DOCK9: variants seen among roughly 807,000 people sequenced by gnomAD.
The protein encoded by DOCK9 is dedicator of cytokinesis 9.
Under a neutral mutation model 263.3 loss-of-function variants are expected in DOCK9, and 89 were observed. The observed-to-expected ratio is 0.34, with a 90% CI of 0.28 to 0.40. DOCK9 has a LOEUF of 0.40. Ranked by LOEUF, DOCK9 falls within the 10% of genes least tolerant of loss-of-function variation. DOCK9 has a pLI of 1.00. For missense variants in DOCK9, 2,140 were observed against 2,603.4 expected, an observed-to-expected ratio of 0.82 and a Z score of 3.87; for synonymous variants, 976 against 973.1, an observed-to-expected ratio of 1.00 and a Z score of -0.06.
chr13:99,011,271 A>G (rs1884431118), intron 1 of DOCK9, among the ~76,000 whole-genome samples: 1 of 152,216 alleles, frequency 6.6e-6, no homozygotes, highest in South Asian at 2.1e-4. Context: ...ATAAAATTTA[A>G]AAGTATTTTA....
intron 1 of DOCK9, among the ~76,000 whole-genome samples, chr13:99,064,297 T>C (rs1193785728): frequency 1.3e-5 from 2 of 152,202 alleles, no homozygotes; most frequent in Non-Finnish European, 2.9e-5. Context: ...GACTTATCAT[T>C]ATAACTGTTG....
chr13:98,925,811 C>A, intron 4 of DOCK9, 26 bp downstream of exon 4: 1 of 1,480,110 alleles, frequency 6.8e-7, no homozygotes, highest in South Asian at 1.3e-5. Flanking sequence ...AGACTTTTCC[C>A]TATGTGTATA....
At chr13:98,806,735 C>T (rs1221497388) in intron 48 of DOCK9, among the ~76,000 whole-genome samples, 1 of 151,946 alleles carries the variant, frequency 6.6e-6, no homozygotes, top group Non-Finnish European at 1.5e-5. Flanking sequence ...ATGGTGAAAC[C>T]CTGTCTCTAC....
intron 7 of DOCK9, among the ~76,000 whole-genome samples, chr13:98,916,010 TC>T (rs1379907484): frequency 6.6e-6 from 1 of 152,218 alleles, no homozygotes; most frequent in Non-Finnish European, 1.5e-5. Flanking sequence ...TCTGGAACTT[TC>T]CCATCCTTTA....
In DOCK9 at chr13:98,884,029, C is replaced by T. The variant is rs1314978849; in HGVS notation, c.2383-130G>A. On this transcript the variant is annotated intron_variant, in intron 21 of 52. Coordinates refer to ENST00000682017, the MANE Select transcript of DOCK9 (RefSeq NM_001366683.2). Reference sequence around the variant, plus strand: ...AACTTTAGTGACTTGGCGACTGTGCCGGGCCCATGGCAGGAATGCAGCTGA... The same window carrying T: ...AACTTTAGTGACTTGGCGACTGTGCTGGGCCCATGGCAGGAATGCAGCTGA... 41 of 621,650 alleles carry T rather than the reference C, an allele frequency of 6.6e-5. No homozygotes were observed. The Admixed American group carries it at 6.7e-4, about 10-fold the overall frequency. The allele number at this position is 621,650 out of a possible 1,614,324, so 38.5% of individuals were successfully genotyped here. A position where few individuals can be genotyped will look rare whatever the true frequency, so the allele number is the denominator to read the frequency against.
chr13:98,931,878 G>A (rs1342324134), intron 2 of DOCK9, among the ~76,000 whole-genome samples: 1 of 150,030 alleles, frequency 6.7e-6, no homozygotes, highest in Non-Finnish European at 1.5e-5. Flanking sequence ...GATTACAGGT[G>A]TGAGCCACCA....
At chr13:98,809,557 T>G in intron 46 of DOCK9, 92 bp from the exon 47 acceptor site, 1 of 1,026,688 alleles carries the variant, frequency 9.7e-7, no homozygotes, top group Non-Finnish European at 1.4e-6. Context: ...TGAAAAGTCC[T>G]TGAACTTGAA....
rs71114563 is a variant in DOCK9, at chr13:98,951,903, CT to C, written c.243+3531del. Among the ~76,000 whole-genome samples the C allele has an allele frequency of 3.5e-4, 47 of 134,770 alleles. 1 individual carries two copies. Among genetic ancestry groups the C allele is most frequent in the South Asian group, 1.2e-3 (5 of 4,058 alleles). The allele number at this position is 134,770 out of a possible 152,430, so 88.4% of individuals were successfully genotyped here. A position where few individuals can be genotyped will look rare whatever the true frequency, so the allele number is the denominator to read the frequency against. On this transcript the variant is annotated intron_variant, in intron 2 of 52. Transcript: ENST00000682017. ...ATGTACTTTACTTCATTAATATTCC[CT>C]TTTTTTTTTTGAGATGGAGTTTTCC...
At chr13:98,892,604 G>T (rs1462745894) in intron 15 of DOCK9, among the ~76,000 whole-genome samples, 1 of 152,178 alleles carries the variant, frequency 6.6e-6, no homozygotes, top group Non-Finnish European at 1.5e-5. Context: ...CATTTATCAA[G>T]TGCTTAGGAT....
Position 98,853,496 on chromosome 13 carries a change from A to C in DOCK9, c.3858T>G (p.Asn1286Lys). Residue 1286 changes from asparagine (N) to lysine (K), a missense_variant, in exon 35 of 53, where the codon AAT (asparagine) becomes AAG (lysine). Physicochemically the swap from Asn to Lys is moderately conservative, Grantham distance 94 (BLOSUM62 0). Around this residue, in one of 2 missense-constraint regions of DOCK9, gnomAD observed 1,521 missense variants for 1,741.7 expected, o/e 0.87. Transcript: ENST00000682017. The part of the protein sequence containing the change: ...DKHQQSSTLG[N>K]SVVRCDKLDQ... ...CAAGTTTATCACAGCGAACCACGGAATTTCCCAATGTGCTACTTTGTTGGT... is the reference window on the plus strand; with the variant it reads ...CAAGTTTATCACAGCGAACCACGGACTTTCCCAATGTGCTACTTTGTTGGT... 1 of 1,613,722 alleles carries C rather than the reference A, an allele frequency of 6.2e-7. No homozygotes were observed. Among genetic ancestry groups the C allele is most frequent in the Non-Finnish European group, 8.5e-7 (1 of 1,179,746 alleles).
At position 98,942,865 on chromosome 13, in the gene DOCK9, G is replaced by A. The variant is rs548791162; in HGVS notation, c.243+12570C>T. Among the ~76,000 whole-genome samples, 8 of 152,246 alleles carry A rather than the reference G, an allele frequency of 5.3e-5. No individual in the cohort carries two copies. In the South Asian group the frequency reaches 6.2e-4, roughly 12 times the overall value. ...GACGTAACACAATGGAAGTATGTGT[G>A]TACCTACACATATCTACACACGGAA... On this transcript the variant is annotated intron_variant, in intron 2 of 52. Transcript: ENST00000682017.
intron 44 of DOCK9, chr13:98,826,098 G>A (rs531769830): frequency 2.3e-4 from 113 of 482,866 alleles, no homozygotes; most frequent in Admixed American, 8.6e-5. Flanking sequence ...CTGTGGCCTC[G>A]GCATCTTTGG....
intron 1 of DOCK9, among the ~76,000 whole-genome samples, chr13:98,984,701 G>T (rs1595825834): frequency 6.6e-6 from 1 of 152,218 alleles, no homozygotes; most frequent in African/African-American, 2.4e-5. Context: ...TCATGCTGGG[G>T]TTCTAGCCAC....
chr13:98,985,339 T>C (rs1044474486), intron 1 of DOCK9, among the ~76,000 whole-genome samples: 1 of 150,996 alleles, frequency 6.6e-6, no homozygotes. Context: ...CATTTTTCCA[T>C]AGGCTCTATC....
intron 1 of DOCK9, among the ~76,000 whole-genome samples, chr13:99,058,913 C>T (rs2041054900): frequency 6.6e-6 from 1 of 152,180 alleles, no homozygotes; most frequent in Non-Finnish European, 1.5e-5. Flanking sequence ...CCCACTTCAC[C>T]TCTCAGAAGG....
intron 1 of DOCK9, among the ~76,000 whole-genome samples, chr13:99,020,006 G>A (rs994711706): frequency 1.3e-5 from 2 of 152,224 alleles, no homozygotes; most frequent in Non-Finnish European, 2.9e-5. Context: ...GGAGGCTGAT[G>A]CAGGAGAATC....
chr13:98,927,777 C>A (rs1257922066), intron 3 of DOCK9, among the ~76,000 whole-genome samples: 1 of 151,866 alleles, frequency 6.6e-6, no homozygotes, highest in East Asian at 1.9e-4. Context: ...AACACCACGA[C>A]GCCTGGCTAC....
At chr13:99,086,448 C>G (rs1275314168) in exon 1 of DOCK9, 4 of 827,768 alleles carry the variant, frequency 4.8e-6, no homozygotes, top group Non-Finnish European at 5.8e-6. Context: ...CCGCTCCGCC[C>G]GCCGCTCCCG....
At position 98,950,968 on chromosome 13, in the gene DOCK9, G is replaced by A. The variant is rs537789891; in HGVS notation, c.243+4467C>T. On this transcript the variant is annotated intron_variant, in intron 2 of 52. Transcript: ENST00000682017. ...CATGTCTTTGATGGAAAAGGCAGGCGTCCTGGGCTTGACTTTCAGTTAAAC... is the reference window on the plus strand; with the variant it reads ...CATGTCTTTGATGGAAAAGGCAGGCATCCTGGGCTTGACTTTCAGTTAAAC... Among the ~76,000 whole-genome samples, 17 of 152,308 alleles carry A rather than the reference G, an allele frequency of 1.1e-4. No individual in the cohort carries two copies. In the East Asian group the frequency reaches 2.1e-3, roughly 19 times the overall value.
Sources: allele counts gnomAD v4.1 joint callset (sites outside exome capture counted in the v4.1 genomes callset), GRCh38; gene constraint gnomAD v4.1.1; regional missense constraint gnomAD v4.1.1; transcripts MANE v1.5; gene names NCBI Gene and HGNC (gene_info 2026-07-23, HGNC 2026-07-21).